Variants in PIN4 observed in about 807,000 individuals in gnomAD.
The protein encoded by PIN4 is peptidyl-prolyl cis-trans isomerase NIMA-interacting 4.
A neutral mutation model predicts 8.3 loss-of-function variants in PIN4; 3 were observed. The ratio of observed to expected loss-of-function variants is 0.36; its 90% CI spans 0.16 to 0.93. PIN4 has a LOEUF of 0.93. Ranked by LOEUF, PIN4 falls within the 40% of genes least tolerant of loss-of-function variation. The pLI, the probability that PIN4 is intolerant of heterozygous loss-of-function variation, is 0.44. For missense variants in PIN4, 75 were observed against 100.6 expected (o/e 0.75, Z 1.09); for synonymous variants, 18 against 32.5 (o/e 0.55, Z 1.52).
Position 72,186,545 on chromosome X carries a change from G to C in PIN4, c.117+11G>C, listed in dbSNP as rs750071147. 2.1e-5 allele frequency: 24 copies of C among 1,132,510 alleles called. No homozygotes were observed. In the South Asian group the frequency reaches 3.9e-4, roughly 18 times the overall value. The allele number at this position is 1,132,510 out of a possible 1,213,427, so 93.3% of individuals were successfully genotyped here. On this transcript the variant is annotated intron_variant, in intron 2 of 3. Coordinates refer to ENST00000373669, the MANE Select transcript of PIN4 (RefSeq NM_006223.4). ...GGCAATGCAGTAAAGGTGAGTTACT[G>C]GTTCCTTTTTTTCCATGTTAAATAT... is the stretch of plus-strand genomic sequence containing the variant.
intron 3 of PIN4, among the ~76,000 whole-genome samples, chrX:72,246,263 C>T (rs1201878769): frequency 3.6e-5 from 4 of 111,579 alleles, no homozygotes; most frequent in African/African-American, 6.5e-5. Context: ...ATCAGTGAGT[C>T]GTGTTGGCTC....
rs1043005603 is a variant in PIN4, at chrX:72,257,086, C to T, written c.313-5621C>T. ...CTGTAATCCCAGCACTTTGGGAGGCCGAGGTGGGTGGATCACGAGGTCAGG... is the reference window on the plus strand; with the variant it reads ...CTGTAATCCCAGCACTTTGGGAGGCTGAGGTGGGTGGATCACGAGGTCAGG... On this transcript the variant is annotated intron_variant, in intron 3 of 3. Transcript: ENST00000423432. Among the ~76,000 whole-genome samples, 5 of 111,577 alleles carry T rather than the reference C, an allele frequency of 4.5e-5. No individual in the cohort carries two copies. In the Admixed American group the frequency reaches 4.8e-4, roughly 11 times the overall value.
At chrX:72,257,923 C>T (rs1305143469) in intron 3 of PIN4, among the ~76,000 whole-genome samples, 3 of 111,826 alleles carry the variant, frequency 2.7e-5, no homozygotes, top group African/African-American at 6.5e-5. Context: ...GCTCCCTTGA[C>T]CTTCCTTTTC....
chrX:72,246,445 A>T (rs916040069), intron 3 of PIN4, among the ~76,000 whole-genome samples: 2 of 111,184 alleles, frequency 1.8e-5, no homozygotes, highest in African/African-American at 6.5e-5. Flanking sequence ...AAAAACCAGA[A>T]TCATCTTTCA....
chrX:72,189,782 T>C (rs1272079367), intron 2 of PIN4, among the ~76,000 whole-genome samples: 1 of 111,690 alleles, frequency 9.0e-6, no homozygotes, highest in Non-Finnish European at 1.9e-5. Context: ...ATTCAACCTG[T>C]ATCCCATGAT....
chrX:72,193,271 T>C (rs1349103881), intron 2 of PIN4, among the ~76,000 whole-genome samples: 1 of 111,265 alleles, frequency 9.0e-6, no homozygotes, highest in East Asian at 2.8e-4. Context: ...ACAATCACTT[T>C]GTGAGTATGG....
At chrX:72,188,367 T>G (rs888550319) in intron 2 of PIN4, among the ~76,000 whole-genome samples, 8 of 111,854 alleles carry the variant, frequency 7.2e-5, no homozygotes, top group African/African-American at 2.6e-4. Context: ...TTTTTTATTT[T>G]TTTTTTTGAG....
intron 3 of PIN4, chrX:72,205,076 T>A: frequency 8.3e-7 from 1 of 1,211,044 alleles, no homozygotes; most frequent in Non-Finnish European, 1.1e-6. Flanking sequence ...GGATCTGCAC[T>A]TTTTATGTCA....
chrX:72,205,497 T>C, intron 3 of PIN4: 1 of 1,211,783 alleles, frequency 8.3e-7, no homozygotes, highest in African/African-American at 1.7e-5. Flanking sequence ...CCAGAGATCT[T>C]CTAGAGTTCA....
intron 3 of PIN4, among the ~76,000 whole-genome samples, chrX:72,250,679 C>T (rs1450045117): frequency 9.3e-6 from 1 of 107,522 alleles, no homozygotes; most frequent in Non-Finnish European, 1.9e-5. Context: ...TGAGACCCGT[C>T]TCTACGAAAA....
intron 3 of PIN4, among the ~76,000 whole-genome samples, chrX:72,231,020 C>G (rs2042980283): frequency 9.0e-6 from 1 of 111,569 alleles, no homozygotes; most frequent in Non-Finnish European, 1.9e-5. Flanking sequence ...TGCAGAGGTT[C>G]CTCAAAAAAC....
downstream of PIN4, among the ~76,000 whole-genome samples, chrX:72,201,883 G>A (rs1392901544): frequency 8.9e-6 from 1 of 112,548 alleles, no homozygotes; most frequent in Admixed American, 9.4e-5. Flanking sequence ...AGGGACAAAG[G>A]GATTTATTGA....
chrX:72,208,770 T>C, intron 3 of PIN4: 20 of 891,197 alleles, frequency 2.2e-5, no homozygotes, highest in Non-Finnish European at 3.1e-5. Flanking sequence ...TTAGAGTTCA[T>C]TTTAGAATCC....
chrX:72,225,402 T>G (rs1021175564), intron 3 of PIN4, among the ~76,000 whole-genome samples: 2 of 111,697 alleles, frequency 1.8e-5, no homozygotes, highest in African/African-American at 6.5e-5. Context: ...TCTAGAACAT[T>G]GTATTCAACA....
intron 1 of PIN4, among the ~76,000 whole-genome samples, chrX:72,184,445 A>G (rs969314519): frequency 1.1e-5 from 1 of 90,268 alleles, no homozygotes; most frequent in African/African-American, 3.9e-5. Context: ...AGTAGAGAGC[A>G]TGACATTCGG....
chrX:72,246,717 C>T (rs1414112369), intron 3 of PIN4, among the ~76,000 whole-genome samples: 1 of 111,659 alleles, frequency 9.0e-6, no homozygotes, highest in Non-Finnish European at 1.9e-5. Flanking sequence ...CTGGACTCAC[C>T]CTTTTCACCT....
intron 3 of PIN4, among the ~76,000 whole-genome samples, chrX:72,212,127 A>T (rs2042858435): frequency 9.1e-6 from 1 of 109,936 alleles, no homozygotes; most frequent in Non-Finnish European, 1.9e-5. Flanking sequence ...ATACAAAAAA[A>T]TTAGCCGGGC....
intron 3 of PIN4, among the ~76,000 whole-genome samples, chrX:72,235,237 G>C (rs776259059): frequency 3.6e-5 from 4 of 111,059 alleles, no homozygotes; most frequent in African/African-American, 1.3e-4. Flanking sequence ...GAGGCTCTAG[G>C]GGGAGAATGT....
At chrX:72,216,202 G>A (rs1053510641) in intron 3 of PIN4, among the ~76,000 whole-genome samples, 24 of 109,265 alleles carry the variant, frequency 2.2e-4, no homozygotes, top group Non-Finnish European at 4.2e-4. Flanking sequence ...CTGAGACACC[G>A]AGACATAGAG....
Sources: allele counts gnomAD v4.1 joint callset (sites outside exome capture counted in the v4.1 genomes callset), GRCh38; gene constraint gnomAD v4.1.1; transcripts MANE v1.5; gene names NCBI Gene and HGNC (gene_info 2026-07-23, HGNC 2026-07-21).